The following MERTK variants were observed in gnomAD, a reference collection of about 807,000 sequenced individuals.
MERTK encodes the protein MER proto-oncogene, tyrosine kinase, also known as tyrosine-protein kinase Mer.
Under a neutral mutation model 99.3 loss-of-function variants are expected in MERTK, and 69 were observed. That is an observed-to-expected ratio of 0.70 (90% confidence interval 0.57 to 0.85). The LOEUF is 0.85. Ranked by LOEUF, MERTK falls within the 40% of genes least tolerant of loss-of-function variation. The probability of loss-of-function intolerance (pLI) is 0.00; values close to 1 mark genes in which losing one functional copy is unlikely to be tolerated. For missense variants in MERTK, 1,125 were observed against 1,249.4 expected, an observed-to-expected ratio of 0.90 and a Z score of 1.50; for synonymous variants, 426 against 467.6, an observed-to-expected ratio of 0.91 and a Z score of 1.15.
intron 8 of MERTK, among the ~76,000 whole-genome samples, chr2:111,989,431 A>C (rs1478415496): frequency 6.1e-5 from 9 of 148,240 alleles, no homozygotes; most frequent in South Asian, 2.1e-4. Context: ...GTCTCCACTC[A>C]CTGCAAGTTC....
intron 1 of MERTK, among the ~76,000 whole-genome samples, chr2:111,919,894 C>G (rs1157182692): frequency 6.7e-6 from 1 of 149,116 alleles, no homozygotes; most frequent in Non-Finnish European, 1.5e-5. Flanking sequence ...TGCTTTTGCT[C>G]AGATGTCTCA....
At chr2:112,027,247 T>C (rs1677482656) in intron 18 of MERTK, among the ~76,000 whole-genome samples, 1 of 151,652 alleles carries the variant, frequency 6.6e-6, no homozygotes, top group African/African-American at 2.4e-5. Flanking sequence ...GGCATGCATA[T>C]ATATATATGC....
chr2:111,998,835 A>G (rs1205193436), intron 10 of MERTK, among the ~76,000 whole-genome samples: 1 of 152,250 alleles, frequency 6.6e-6, no homozygotes, highest in Admixed American at 6.5e-5. Flanking sequence ...TAAACTCAGC[A>G]GAAGCTTAAA....
chr2:111,989,501 G>T (rs148976004), intron 8 of MERTK, among the ~76,000 whole-genome samples: 2 of 151,790 alleles, frequency 1.3e-5, no homozygotes, highest in Non-Finnish European at 2.9e-5. Flanking sequence ...GACTACAGGC[G>T]CCCGCCACCA....
At chr2:111,987,638 A>G (rs887590252) in intron 8 of MERTK, among the ~76,000 whole-genome samples, 18 of 152,114 alleles carry the variant, frequency 1.2e-4, no homozygotes, top group Non-Finnish European at 2.9e-5. Flanking sequence ...GTATTTCCCA[A>G]CCCACCCTCA....
At chr2:111,932,934 A>G (rs568962464) in intron 2 of MERTK, among the ~76,000 whole-genome samples, 4 of 151,698 alleles carry the variant, frequency 2.6e-5, no homozygotes, top group Non-Finnish European at 5.9e-5. Flanking sequence ...AGGGGTTTGG[A>G]GTGTTTTTGG....
Position 111,965,253 on chromosome 2 carries a change from A to G in MERTK, c.820A>G (p.Lys274Glu), listed in dbSNP as rs1219943028. 1.3e-5 allele frequency: 21 copies of G among 1,614,092 alleles called. No homozygotes were observed. Among genetic ancestry groups the G allele is most frequent in the Non-Finnish European group, 1.8e-5 (21 of 1,180,034 alleles). The change falls in exon 5 of 19, where the codon AAG (lysine) becomes GAG (glutamate). Residue 274 changes from lysine to glutamate, a missense_variant. Lys to Glu is a moderately conservative substitution (Grantham distance 56, BLOSUM62 1). Transcript: ENST00000295408. ...CAATGACAAAGGGCTGACCGTGTCC[A>G]AGGGAGTGCAGATCAACATCAAAGG... ...AHNDKGLTVS[K>E]GVQINIKAIP...
intron 18 of MERTK, among the ~76,000 whole-genome samples, chr2:112,027,040 G>C (rs924460827): frequency 6.6e-6 from 1 of 152,038 alleles, no homozygotes; most frequent in African/African-American, 2.4e-5. Flanking sequence ...TGTAATTCCA[G>C]CTACTCTGGA....
intron 2 of MERTK, among the ~76,000 whole-genome samples, chr2:111,941,218 CACTG>C (rs142568190): frequency 0.024 from 3,684 of 152,216 alleles, 148 homozygotes; most frequent in African/African-American, 0.084. Flanking sequence ...ACTTTGAAGT[CACTG>C]ATATATTTCC....
Position 112,001,226 on chromosome 2 carries a change from G to A in MERTK, c.1630G>A (p.Glu544Lys), listed in dbSNP as rs779773032. 2 of 1,613,548 alleles carry A rather than the reference G, an allele frequency of 1.2e-6. No individual in the cohort carries two copies. The highest frequency in any genetic ancestry group is 2.2e-5 in the South Asian group (2 of 91,062). Residue 544 changes from glutamate to lysine, a missense_variant, in exon 11 of 19, where the codon GAA becomes AAA. By Grantham distance (56) the Glu-to-Lys change is moderately conservative. Coordinates refer to ENST00000295408, the MANE Select transcript of MERTK (RefSeq NM_006343.3). ...FGNAFTEEDS[E>K]LVVNYIAKKS... ...GAATGCATTCACAGAGGAGGATTCT[G>A]AATTAGTGGTGAATTATATAGCAAA...
At chr2:112,003,218 G>A (rs1676906385) in intron 12 of MERTK, 31 bp downstream of exon 12, 1 of 1,038,530 alleles carries the variant, frequency 9.6e-7, no homozygotes, top group South Asian at 1.3e-5. Context: ...CTTTTAAAAT[G>A]TGGGATAAGA....
chr2:111,951,134 C>T (rs1266688961), intron 4 of MERTK, among the ~76,000 whole-genome samples: 7 of 99,084 alleles, frequency 7.1e-5, no homozygotes, highest in South Asian at 3.3e-4. Flanking sequence ...TGGCGGAGTT[C>T]GGGGGGCGGG....
At chr2:111,953,489 A>G (rs1462727016) in intron 4 of MERTK, among the ~76,000 whole-genome samples, 2 of 152,200 alleles carry the variant, frequency 1.3e-5, no homozygotes, top group Non-Finnish European at 2.9e-5. Context: ...AGGAGTAATC[A>G]TATATTCAAG....
intron 1 of MERTK, among the ~76,000 whole-genome samples, chr2:111,920,944 C>G (rs1684445830): frequency 6.6e-6 from 1 of 152,230 alleles, no homozygotes. Context: ...GCGTGAGCCA[C>G]TGCGACTGGC....
At chr2:112,001,606 G>A (rs548558857) in intron 11 of MERTK, among the ~76,000 whole-genome samples, 2 of 152,138 alleles carry the variant, frequency 1.3e-5, no homozygotes, top group Middle Eastern at 3.2e-3. Flanking sequence ...TCTAACTAGT[G>A]AACATAATCT....
intron 4 of MERTK, among the ~76,000 whole-genome samples, chr2:111,949,128 A>G (rs879061908): frequency 6.6e-6 from 1 of 151,930 alleles, no homozygotes; most frequent in Admixed American, 6.6e-5. Context: ...TTCTTCAGAG[A>G]GGCCATCCCT....
chr2:111,985,054 T>C (rs1676448977), intron 8 of MERTK, among the ~76,000 whole-genome samples: 1 of 152,178 alleles, frequency 6.6e-6, no homozygotes, highest in Non-Finnish European at 1.5e-5. Context: ...CAGTGAAGAC[T>C]CTCTAGTGTA....
At chr2:111,983,197 T>C (rs1282674586) in intron 8 of MERTK, among the ~76,000 whole-genome samples, 2 of 152,226 alleles carry the variant, frequency 1.3e-5, no homozygotes, top group East Asian at 1.9e-4. Context: ...TTTGGGACTT[T>C]CCTCACTTAC....
intron 7 of MERTK, among the ~76,000 whole-genome samples, chr2:111,976,574 G>A (rs563230779): frequency 7.2e-6 from 1 of 138,838 alleles, no homozygotes; most frequent in African/African-American, 2.7e-5. Flanking sequence ...GTGTGTGTAG[G>A]TTATTATATA....
Sources: allele counts gnomAD v4.1 joint callset (sites outside exome capture counted in the v4.1 genomes callset), GRCh38; gene constraint gnomAD v4.1.1; transcripts MANE v1.5; gene names NCBI Gene and HGNC (gene_info 2026-07-23, HGNC 2026-07-21).